Variants in INTS13 observed in about 807,000 individuals in gnomAD.
INTS13 encodes the protein asunder, spermatogenesis regulator homolog (Drosphila).
Under a neutral mutation model 90.2 loss-of-function variants are expected in INTS13, and 35 were observed. That is an observed-to-expected ratio of 0.39 (90% confidence interval 0.30 to 0.51). The LOEUF is 0.51. INTS13 is among the 20% of genes least tolerant of loss of function. The pLI, the probability that INTS13 is intolerant of heterozygous loss-of-function variation, is 0.80. For missense variants in INTS13, 601 were observed against 851.2 expected (o/e 0.71, Z 3.66); for synonymous variants, 309 against 277.1 (o/e 1.11, Z -1.14).
intron 14 of INTS13, 99 bp downstream of exon 14, chr12:26,913,358 G>C (rs540462648): frequency 1.3e-6 from 1 of 778,676 alleles, no homozygotes. Flanking sequence ...TGTATTAAAT[G>C]AACTACTATT....
At chr12:26,920,811 T>G (rs1289316092) in intron 8 of INTS13, among the ~76,000 whole-genome samples, 1 of 152,202 alleles carries the variant, frequency 6.6e-6, no homozygotes, top group Non-Finnish European at 1.5e-5. Flanking sequence ...GGTAAACGTT[T>G]ATATATCCCT....
At position 26,925,838 on chromosome 12, in the gene INTS13, G is replaced by C. The variant is rs1424440459; in HGVS notation, c.598C>G (p.Gln200Glu). 6.2e-7 allele frequency: 1 copy of C among 1,611,976 alleles called. No homozygotes were observed. Among genetic ancestry groups the C allele is most frequent in the Admixed American group, 1.7e-5 (1 of 59,914 alleles). ...AANSDHLMQI[Q>E]KCELVLIHTY... ...TGGATCAAGACCAACTCACATTTTT[G>C]AATCTGCATGAGACTTAAAGAGAAA... The change falls in exon 6 of 17, where the codon CAA (glutamine) becomes GAA (glutamate). Residue 200 changes from glutamine to glutamate, a missense_variant. Around this residue, in one of 3 missense-constraint regions of INTS13, gnomAD observed 284 missense variants for 387.7 expected, o/e 0.73. Transcript: ENST00000261191.
chr12:26,908,242 G>C (rs1247272326), intron 15 of INTS13, among the ~76,000 whole-genome samples: 1 of 152,018 alleles, frequency 6.6e-6, no homozygotes, highest in Admixed American at 6.6e-5. Context: ...GACTACAAAG[G>C]GTCAATATGA....
chr12:26,934,633 A>G lies in INTS13; in HGVS notation c.226-3T>C, dbSNP rs1239354819. The G allele has an allele frequency of 1.2e-6, 2 of 1,608,520 alleles. No homozygotes were observed. Among genetic ancestry groups the G allele is most frequent in the African/African-American group, 2.7e-5 (2 of 74,820 alleles). On this transcript the variant is annotated splice_polypyrimidine_tract_variant and splice_region_variant and intron_variant, in intron 2 of 16. Transcript: ENST00000261191. ...GAGTCACTCACAATAAAATTCACCTAATAGATTCCAAAGAAACAATTAGTA... is the reference window on the plus strand; with the variant it reads ...GAGTCACTCACAATAAAATTCACCTGATAGATTCCAAAGAAACAATTAGTA...
chr12:26,925,788 G>A lies in INTS13; in HGVS notation c.648C>T (p.Ser216=). ...LIHTYPVGED[S]LVSDRSKKEL... Reference sequence around the variant, plus strand: ...CTTTTTTAGAACGATCAGATACAAGGCTGTCTTCACCAACTGGGTAGGTGT... The same window carrying A: ...CTTTTTTAGAACGATCAGATACAAGACTGTCTTCACCAACTGGGTAGGTGT... The change falls in exon 6 of 17, where the codon AGC becomes AGT. Residue 216 remains serine, a synonymous_variant. Coordinates refer to ENST00000261191, the MANE Select transcript of INTS13 (RefSeq NM_018164.3). The A allele has an allele frequency of 6.2e-7, 1 of 1,612,094 alleles. No homozygotes were observed. Among genetic ancestry groups the A allele is most frequent in the East Asian group, 2.2e-5 (1 of 44,724 alleles).
rs772130012 is a variant in INTS13, at chr12:26,915,962, C to T, written c.1248+40G>A. 2.7e-6 allele frequency: 4 copies of T among 1,456,932 alleles called. No homozygotes were observed. The South Asian group carries it at 5.8e-5, about 21-fold the overall frequency. 90.3% of individuals were successfully genotyped at this position (1,456,932 alleles called of 1,614,324 possible). On this transcript the variant is annotated intron_variant, in intron 11 of 16. Transcript: ENST00000261191. Reference sequence around the variant, plus strand: ...TCGATAACTACTTGCTGAATGATGACAGATTCAAAACTTAAAATTTATAGA... The same window carrying T: ...TCGATAACTACTTGCTGAATGATGATAGATTCAAAACTTAAAATTTATAGA...
chr12:26,932,513 T>C (rs898598188), intron 3 of INTS13, among the ~76,000 whole-genome samples: 2 of 152,158 alleles, frequency 1.3e-5, no homozygotes, highest in African/African-American at 4.8e-5. Context: ...GAACTGAAAC[T>C]GAAAGGTATC....
chr12:26,918,182 G>A (rs1052446959), intron 8 of INTS13, among the ~76,000 whole-genome samples: 2 of 151,856 alleles, frequency 1.3e-5, no homozygotes, highest in Non-Finnish European at 1.5e-5. Flanking sequence ...AGCAAACTGG[G>A]TATGGAGTAA....
chr12:26,919,763 G>T (rs1056118529), intron 8 of INTS13, among the ~76,000 whole-genome samples: 1 of 141,276 alleles, frequency 7.1e-6, no homozygotes, highest in East Asian at 2.1e-4. Flanking sequence ...CTCCTAAGTT[G>T]TTTTGGGCAT....
rs189646793 is a variant in INTS13, at chr12:26,928,157, A to G, written c.584+48T>C. The G allele has an allele frequency of 2.6e-4, 342 of 1,326,924 alleles. 2 individuals are homozygous for G. The Admixed American group carries it at 4.5e-3, about 18-fold the overall frequency. The allele number at this position is 1,326,924 out of a possible 1,614,324, so 82.2% of individuals were successfully genotyped here. ...AAGTTATTGGAAATAATTATAACAT[A>G]TATCTATCCACATGAACATATTTAT... On this transcript the variant is annotated intron_variant, in intron 5 of 16. Transcript: ENST00000261191.
At chr12:26,925,610 C>A in intron 6 of INTS13, 151 bp downstream of exon 6, 2 of 594,814 alleles carry the variant, frequency 3.4e-6, no homozygotes, top group Non-Finnish European at 2.8e-6. Flanking sequence ...AAAGAACCAA[C>A]CTAGATGTCT....
chr12:26,921,265 T>C (rs1952111869), intron 8 of INTS13, among the ~76,000 whole-genome samples: 1 of 152,194 alleles, frequency 6.6e-6, no homozygotes, highest in Admixed American at 6.5e-5. Context: ...GATCTATGGA[T>C]TGAAATAATT....
At chr12:26,917,605 T>C (rs764571843) in intron 9 of INTS13, 39 bp downstream of exon 9, 9 of 1,561,224 alleles carry the variant, frequency 5.8e-6, no homozygotes, top group African/African-American at 2.7e-5. Flanking sequence ...CTTAAGAACC[T>C]TTTGATTTCG....
At chr12:26,909,316 G>A (rs1436280001) in intron 15 of INTS13, among the ~76,000 whole-genome samples, 4 of 152,108 alleles carry the variant, frequency 2.6e-5, no homozygotes, top group East Asian at 3.9e-4. Context: ...GGCTGAGATC[G>A]TGCCATTGCA....
chr12:26,937,403 C>T (rs1478566625), intron 1 of INTS13, among the ~76,000 whole-genome samples: 1 of 152,192 alleles, frequency 6.6e-6, no homozygotes, highest in Non-Finnish European at 1.5e-5. Context: ...CACACTCTCC[C>T]CTTAGCTTTT....
At position 26,917,686 on chromosome 12, in the gene INTS13, T is replaced by C. The variant is rs770589892; in HGVS notation, c.937A>G (p.Thr313Ala). 6.2e-7 allele frequency: 1 copy of C among 1,614,158 alleles called. No individual in the cohort carries two copies. Among genetic ancestry groups the C allele is most frequent in the Non-Finnish European group, 8.5e-7 (1 of 1,180,004 alleles). The change falls in exon 9 of 17, where the codon ACA (threonine) becomes GCA (alanine). Residue 313 changes from threonine to alanine, a missense_variant. By Grantham distance (58) the Thr-to-Ala change is moderately conservative. Coordinates refer to ENST00000261191, the MANE Select transcript of INTS13 (RefSeq NM_018164.3). ...GGTGTACACCACTTTAATGTTATTG[T>C]TTCTTTAAACGAGCCTTCTCGACTG... Reference protein sequence around the residue: ...GGSREGSFKETITLKWCTPRT... With the variant: ...GGSREGSFKEAITLKWCTPRT...
At chr12:26,929,034 G>A in intron 3 of INTS13, 129 bp from the exon 4 acceptor site, 1 of 790,166 alleles carries the variant, frequency 1.3e-6, no homozygotes, top group Non-Finnish European at 2.0e-6. Context: ...AAAAATAGTA[G>A]CAAACCAAAT....
intron 15 of INTS13, among the ~76,000 whole-genome samples, chr12:26,910,168 C>T (rs1320819177): frequency 6.6e-6 from 1 of 152,136 alleles, no homozygotes; most frequent in Admixed American, 6.5e-5. Context: ...GAAACTCAAA[C>T]ACATTTTAAT....
chr12:26,905,501 T>G lies in INTS13; in HGVS notation c.2117A>C (p.Gln706Pro), dbSNP rs1172409439. 6.2e-7 allele frequency: 1 copy of G among 1,611,990 alleles called. No individual in the cohort carries two copies. The highest frequency in any genetic ancestry group is 8.5e-7 in the Non-Finnish European group (1 of 1,179,286). Residue 706 changes from glutamine to proline, a missense_variant, in exon 17 of 17, where the codon CAG (glutamine) becomes CCG (proline). By Grantham distance (76) the Gln-to-Pro change is moderately conservative. Coordinates refer to ENST00000261191, the MANE Select transcript of INTS13 (RefSeq NM_018164.3). ...ETTENGKASR[Q>P] ...TTTAGTTCTTCAAGTCACTCTTCAC[T>G]GCCGGCTGGCTTTTCCATTTTCTGT...
Sources: gnomAD v4.1 joint callset for allele counts (sites outside exome capture counted in the v4.1 genomes callset) on GRCh38, gnomAD v4.1.1 for gene constraint, gnomAD v4.1.1 regional missense constraint, MANE v1.5 for transcripts, NCBI Gene and HGNC (gene_info 2026-07-23, HGNC 2026-07-21) for gene names.